Variants in PLCXD3 observed in about 807,000 individuals in gnomAD.
The protein encoded by PLCXD3 is PI-PLC X domain-containing protein 3.
In PLCXD3, 19 loss-of-function variants were observed where a neutral mutation model predicts 25.5. That is an observed-to-expected ratio of 0.75 (90% confidence interval 0.52 to 1.09). The LOEUF is 1.09. Ranked by LOEUF, PLCXD3 falls within the 50% of genes least tolerant of loss-of-function variation. The pLI is 0.00. For synonymous variants in PLCXD3, 174 were observed against 137.6 expected (o/e 1.26, Z -1.85); for missense variants, 411 against 388.1 (o/e 1.06, Z -0.50).
intron 2 of PLCXD3, among the ~76,000 whole-genome samples, chr5:41,335,182 GTT>G (rs1743945353): frequency 6.6e-6 from 1 of 152,176 alleles, no homozygotes; most frequent in Admixed American, 6.6e-5. Flanking sequence ...AAAGCAGACA[GTT>G]TCTATCGCTA....
intron 1 of PLCXD3, among the ~76,000 whole-genome samples, chr5:41,436,117 C>T (rs1747249098): frequency 6.6e-6 from 1 of 152,100 alleles, no homozygotes; most frequent in South Asian, 2.1e-4. Flanking sequence ...TGGCCACCCA[C>T]ATTTGGATGG....
chr5:41,335,748 G>A (rs1743961039), intron 2 of PLCXD3, among the ~76,000 whole-genome samples: 1 of 152,068 alleles, frequency 6.6e-6, no homozygotes, highest in South Asian at 2.1e-4. Flanking sequence ...TGGATACAGG[G>A]ATGAATCAGA....
chr5:41,379,919 C>T (rs1745405441), intron 2 of PLCXD3, among the ~76,000 whole-genome samples: 2 of 152,002 alleles, frequency 1.3e-5, no homozygotes, highest in Non-Finnish European at 2.9e-5. Context: ...CATGCACTTT[C>T]ATAGAGTATA....
intron 1 of PLCXD3, among the ~76,000 whole-genome samples, chr5:41,502,379 GTGTGTA>G (rs1318000303): frequency 1.3e-5 from 2 of 152,052 alleles, no homozygotes; most frequent in Non-Finnish European, 2.9e-5. Flanking sequence ...TTATGTGTCT[GTGTGTA>G]TGTGTATGTG....
rs528598755 is a variant in PLCXD3 at position 41,454,937 on chromosome 5, G to A, written c.103+55487C>T. On this transcript the variant is annotated intron_variant, in intron 1 of 2. Coordinates refer to ENST00000377801, the MANE Select transcript of PLCXD3 (RefSeq NM_001005473.3). ...GAAACTTACAATCATAGTGGAAGGC[G>A]AAGGGGAAACAAGGCACCTTCTTCA... Among the ~76,000 whole-genome samples the A allele has an allele frequency of 3.9e-5, 6 of 151,996 alleles. No individual in the cohort carries two copies. In the East Asian group the frequency reaches 7.8e-4, roughly 20 times the overall value.
At chr5:41,501,154 C>A (rs995226990) in intron 1 of PLCXD3, among the ~76,000 whole-genome samples, 3 of 151,958 alleles carry the variant, frequency 2.0e-5, no homozygotes, top group African/African-American at 7.2e-5. Context: ...GGAATTACGT[C>A]GAAATTTTAA....
intron 1 of PLCXD3, among the ~76,000 whole-genome samples, chr5:41,491,786 G>C (rs1196102797): frequency 6.6e-6 from 1 of 151,924 alleles, no homozygotes; most frequent in East Asian, 1.9e-4. Context: ...CCATTTGCTT[G>C]GTAGATCTTC....
intron 1 of PLCXD3, among the ~76,000 whole-genome samples, chr5:41,414,659 C>T (rs558651985): frequency 6.6e-6 from 1 of 152,192 alleles, no homozygotes; most frequent in South Asian, 2.1e-4. Flanking sequence ...TTCAGTTACC[C>T]ATGCTCAATC....
intron 2 of PLCXD3, among the ~76,000 whole-genome samples, chr5:41,327,850 T>A (rs1175958048): frequency 6.6e-6 from 1 of 152,130 alleles, no homozygotes; most frequent in Non-Finnish European, 1.5e-5. Context: ...CTATCACCCA[T>A]GCTGCAGTGC....
At chr5:41,358,613 G>T (rs1254481682) in intron 2 of PLCXD3, among the ~76,000 whole-genome samples, 1 of 152,158 alleles carries the variant, frequency 6.6e-6, no homozygotes, top group Non-Finnish European at 1.5e-5. Flanking sequence ...TTCCATCCAG[G>T]CTGGTACGGA....
chr5:41,319,526 A>G (rs1743399314), intron 2 of PLCXD3, among the ~76,000 whole-genome samples: 1 of 152,222 alleles, frequency 6.6e-6, no homozygotes, highest in African/African-American at 2.4e-5. Flanking sequence ...GTCAATGAAG[A>G]CATTAAGAAG....
chr5:41,420,251 A>T (rs902257401), intron 1 of PLCXD3, among the ~76,000 whole-genome samples: 1 of 152,194 alleles, frequency 6.6e-6, no homozygotes, highest in Non-Finnish European at 1.5e-5. Flanking sequence ...AACAAAAGGG[A>T]ATAGAAGAAA....
At chr5:41,460,518 T>G (rs972679552) in intron 1 of PLCXD3, among the ~76,000 whole-genome samples, 3 of 151,962 alleles carry the variant, frequency 2.0e-5, no homozygotes, top group African/African-American at 7.2e-5. Flanking sequence ...TCAACATTTA[T>G]AGCAGAGTAC....
rs150641737 is a variant in PLCXD3, at chr5:41,311,938, A to G, written c.*1679T>C. On this transcript the variant is annotated 3_prime_UTR_variant, in exon 3 of 3. Transcript: ENST00000377801. ...TTCTCTATGACCCTACTTTGCATGG[A>G]CTGTATTATCCTAGGAAACTATTGG... The G allele has an allele frequency of 3.6e-3, 557 of 152,642 alleles. 3 individuals are homozygous for G. Among genetic ancestry groups the G allele is most frequent in the African/African-American group, 0.012 (519 of 41,538 alleles). 9.5% of individuals were successfully genotyped at this position (152,642 alleles called of 1,614,324 possible).
intron 1 of PLCXD3, among the ~76,000 whole-genome samples, chr5:41,442,873 G>T (rs1220345908): frequency 7.1e-6 from 1 of 139,918 alleles, no homozygotes; most frequent in Non-Finnish European, 1.6e-5. Flanking sequence ...CAACCAACTT[G>T]TTATGGTTTA....
chr5:41,390,212 A>C (rs1418096267), intron 1 of PLCXD3, among the ~76,000 whole-genome samples: 2 of 152,122 alleles, frequency 1.3e-5, no homozygotes, highest in Non-Finnish European at 2.9e-5. Flanking sequence ...GCTAAATCAT[A>C]TTCCAACAGT....
At chr5:41,443,766 A>T (rs1265920833) in intron 1 of PLCXD3, among the ~76,000 whole-genome samples, 2 of 152,176 alleles carry the variant, frequency 1.3e-5, no homozygotes, top group Non-Finnish European at 2.9e-5. Flanking sequence ...TTTGACAAGC[A>T]TTTCAGGGCA....
At position 41,363,190 on chromosome 5, in the gene PLCXD3, T is replaced by C. The variant is rs369561845; in HGVS notation, c.812+18636A>G. Among the ~76,000 whole-genome samples, 47 of 152,282 alleles carry C rather than the reference T, an allele frequency of 3.1e-4. 1 individual carries two copies. In the South Asian group the frequency reaches 9.3e-3, roughly 30 times the overall value. ...AACCAGGTAAATAACTGATTTTGAC[T>C]TATCTTAGAAGTTACCACATGATGT... On this transcript the variant is annotated intron_variant, in intron 2 of 2. Coordinates refer to ENST00000377801, the MANE Select transcript of PLCXD3 (RefSeq NM_001005473.3).
chr5:41,473,987 G>C (rs1748227933), intron 1 of PLCXD3, among the ~76,000 whole-genome samples: 1 of 152,026 alleles, frequency 6.6e-6, no homozygotes, highest in African/African-American at 2.4e-5. Context: ...TTGTGGCTTG[G>C]GACAGTCACT....
Sources: allele counts gnomAD v4.1 joint callset (sites outside exome capture counted in the v4.1 genomes callset), GRCh38; gene constraint gnomAD v4.1.1; transcripts MANE v1.5; gene names NCBI Gene and HGNC (gene_info 2026-07-23, HGNC 2026-07-21).